FAT2: variants seen among roughly 807,000 people sequenced by gnomAD.
The protein encoded by FAT2 is protocadherin Fat 2.
Under a neutral mutation model 295.3 loss-of-function variants are expected in FAT2, and 150 were observed. That is an observed-to-expected ratio of 0.51 (90% CI 0.44 to 0.58). The LOEUF (loss-of-function observed/expected upper bound fraction) is 0.58, where lower values mean the gene tolerates loss of function less well. Among genes scored for constraint, FAT2 ranks in the 20% least tolerant of loss-of-function variants. The pLI, the probability that FAT2 is intolerant of heterozygous loss-of-function variation, is 0.00. For missense variants in FAT2, 4,868 were observed against 5,442.7 expected (o/e 0.89, Z 3.32); for synonymous variants, 2,026 against 2,150.3 (o/e 0.94, Z 1.60).
chr5:151,515,235 T>G (rs1242890269), intron 20 of FAT2, among the ~76,000 whole-genome samples: 1 of 152,114 alleles, frequency 6.6e-6, no homozygotes, highest in African/African-American at 2.4e-5. Context: ...ACTCCCTGGG[T>G]TTTCCTCCAG....
rs752298937 is a variant in FAT2, at chr5:151,563,568, C to G, written c.3331G>C (p.Asp1111His). Residue 1111 changes from aspartate (D) to histidine (H), a missense_variant, in exon 3 of 24, where the codon GAC becomes CAC. Physicochemically the swap from Asp to His is moderately conservative, Grantham distance 81 (BLOSUM62 -1). Transcript: ENST00000261800. The stretch of plus-strand genomic sequence containing the variant: ...GAAGAGAGGGGCACAGAACCCCTGT[C>G]CACTGCTAATACCGTCAACCAGTAG... The part of the protein sequence containing the change: ...SYYWLTVLAV[D>H]RGSVPLSSVT... 30 of 1,614,024 alleles carry G rather than the reference C, an allele frequency of 1.9e-5. No individual in the cohort carries two copies. The highest frequency in any genetic ancestry group is 2.5e-5 in the Non-Finnish European group (30 of 1,180,034).
chr5:151,555,748 A>G (rs1469302152), intron 4 of FAT2, among the ~76,000 whole-genome samples: 1 of 152,212 alleles, frequency 6.6e-6, no homozygotes, highest in Non-Finnish European at 1.5e-5. Context: ...TTTCCTGCTG[A>G]GGAATATGTA....
intron 13 of FAT2, among the ~76,000 whole-genome samples, 189 bp from the exon 14 acceptor site, chr5:151,532,159 T>C (rs1385165132): frequency 6.6e-6 from 1 of 152,164 alleles, no homozygotes; most frequent in Non-Finnish European, 1.5e-5. Flanking sequence ...ACCCAAGGCC[T>C]CACTAAAATG....
chr5:151,543,634 G>T lies in FAT2; in HGVS notation c.7493C>A (p.Thr2498Asn). 6.2e-7 allele frequency: 1 copy of T among 1,614,136 alleles called. No individual in the cohort carries two copies. The highest frequency in any genetic ancestry group is 8.5e-7 in the Non-Finnish European group (1 of 1,180,020). The change falls in exon 10 of 24, where the codon ACC (threonine) becomes AAC (asparagine). Residue 2498 changes from threonine to asparagine, a missense_variant. Around this residue, in one of 5 missense-constraint regions of FAT2, gnomAD observed 3,297 missense variants for 3,669.4 expected, o/e 0.90. Transcript: ENST00000261800. ...AELAENAMVG[T>N]KVIDLLAIDK... ...TATGGCTAGCAAATCAATCACCTTG[G>T]TTCCAACCATTGCATTCTCTGCTAA...
chr5:151,535,235 C>G (rs941594863), intron 12 of FAT2, among the ~76,000 whole-genome samples: 3 of 151,960 alleles, frequency 2.0e-5, no homozygotes, highest in Admixed American at 2.0e-4. Flanking sequence ...GTTACACACT[C>G]TTTTGTTATA....
At position 151,528,283 on chromosome 5, in the gene FAT2, C is replaced by T. The variant is rs562790090; in HGVS notation, c.10027-150G>A. On this transcript the variant is annotated intron_variant, in intron 15 of 23. Transcript: ENST00000261800. Reference sequence around the variant, plus strand: ...TGTCCCTGCCAAAGTAATCTCTTCACTTACATCCTCGTGTGGACTTCAGCA... The same window carrying T: ...TGTCCCTGCCAAAGTAATCTCTTCATTTACATCCTCGTGTGGACTTCAGCA... 207 of 849,772 alleles carry T rather than the reference C, an allele frequency of 2.4e-4. 1 individual carries two copies. The South Asian group carries it at 3.5e-3, about 14-fold the overall frequency. 52.6% of individuals were successfully genotyped at this position (849,772 alleles called of 1,614,324 possible). A position where few individuals can be genotyped will look rare whatever the true frequency, so the allele number is the denominator to read the frequency against.
chr5:151,572,332 C>T (rs1213932202), intron 1 of FAT2, among the ~76,000 whole-genome samples: 6 of 152,052 alleles, frequency 3.9e-5, no homozygotes, highest in East Asian at 1.9e-4. Context: ...ACAGAATGAA[C>T]GCTGAAAGAG....
chr5:151,566,745 A>G lies in FAT2; in HGVS notation c.2187T>C (p.Pro729=). 3 of 1,614,184 alleles carry G rather than the reference A, an allele frequency of 1.9e-6. No individual in the cohort carries two copies. Among genetic ancestry groups the G allele is most frequent in the Non-Finnish European group, 1.7e-6 (2 of 1,180,018 alleles). ...PQSIDVLESV[P]INTPLARLAA... Reference sequence around the variant, plus strand: ...CTAGGCGGGCCAAGGGGGTGTTGATAGGGACACTCTCAAGGACATCAATGG... The same window carrying G: ...CTAGGCGGGCCAAGGGGGTGTTGATGGGGACACTCTCAAGGACATCAATGG... The change falls in exon 2 of 24, where the codon CCT becomes CCC. Residue 729 remains proline, a synonymous_variant. Transcript: ENST00000261800.
At position 151,512,883 on chromosome 5, in the gene FAT2, T is replaced by A. The variant is rs1223458219; in HGVS notation, c.11464-277A>T. On this transcript the variant is annotated intron_variant, in intron 20 of 23. Transcript: ENST00000261800. The surrounding 1 kb of genome is among the most constrained non-coding windows in gnomAD (Gnocchi z 4.1). The stretch of plus-strand genomic sequence containing the variant: ...CTGAGGCCGAGAGATGCTTTGCTGA[T>A]CAAGACCCTGTATTTTGGATGCTTC... 1.9e-5 allele frequency: 9 copies of A among 461,592 alleles called. No homozygotes were observed. The highest frequency in any genetic ancestry group is 3.1e-5 in the Non-Finnish European group (8 of 254,748). 28.6% of individuals were successfully genotyped at this position (461,592 alleles called of 1,614,324 possible).
Position 151,545,976 on chromosome 5 carries a change from T to TTTC in FAT2, c.5148_5150dup (p.Lys1717dup), listed in dbSNP as rs1217934282. Reference sequence around the variant, plus strand: ...AAGACGAGATTTTCTCATGGTCCAATTTCTTCTGGGTGGAAATAAGGCCAG... The same window carrying TTTC: ...AAGACGAGATTTTCTCATGGTCCAATTTCTTCTTCTGGGTGGAAATAAGGCCAG... On this transcript the variant is annotated inframe_insertion, in exon 10 of 24. Transcript: ENST00000261800. 5.0e-6 allele frequency: 8 copies of TTTC among 1,614,206 alleles called. No individual in the cohort carries two copies. The Admixed American group carries it at 1.3e-4, about 27-fold the overall frequency.
At chr5:151,562,157 C>G (rs34346367) in intron 3 of FAT2, among the ~76,000 whole-genome samples, 1 of 151,700 alleles carries the variant, frequency 6.6e-6, no homozygotes, top group African/African-American at 2.4e-5. Context: ...TAGGCACTTA[C>G]ATCTCACCCA....
At chr5:151,537,185 AAGAG>A (rs980415448) in intron 12 of FAT2, among the ~76,000 whole-genome samples, 15 of 151,648 alleles carry the variant, frequency 9.9e-5, no homozygotes, top group South Asian at 6.3e-4. Context: ...AGAAAGAAAG[AAGAG>A]AGAGAGAGAG....
Position 151,565,935 on chromosome 5 carries a change from C to G in FAT2, c.2997G>C (p.Leu999=), listed in dbSNP as rs765938933. 6.2e-7 allele frequency: 1 copy of G among 1,613,896 alleles called. No homozygotes were observed. The highest frequency in any genetic ancestry group is 8.5e-7 in the Non-Finnish European group (1 of 1,180,018). The change falls in exon 2 of 24, where the codon CTG becomes CTC. Residue 999 remains leucine (L), a synonymous_variant. Transcript: ENST00000261800. The part of the protein sequence containing the change: ...FERRAGYNLS[L]WASDGGRPLA... ...GGGGCCTCCCACCATCACTGGCCCACAGGCTCAGATTGTACCCAGCTCGCC... is the reference window on the plus strand; with the variant it reads ...GGGGCCTCCCACCATCACTGGCCCAGAGGCTCAGATTGTACCCAGCTCGCC...
rs974374943 is a variant in FAT2 at position 151,539,649 on chromosome 5, T to G, written c.9039+918A>C. On this transcript the variant is annotated intron_variant, in intron 11 of 23. Transcript: ENST00000261800. ...TTATAAAATTAAAATGTTAGCAGTT[T>G]AACTTTATCTATAAACTTTGAAAGA... Among the ~76,000 whole-genome samples the G allele has an allele frequency of 5.9e-5, 9 of 152,330 alleles. No individual in the cohort carries two copies. The South Asian group carries it at 1.9e-3, about 32-fold the overall frequency.
intron 6 of FAT2, 119 bp from the exon 7 acceptor site, chr5:151,551,725 T>C: frequency 1.0e-6 from 1 of 961,770 alleles, no homozygotes; most frequent in Non-Finnish European, 1.5e-6. Flanking sequence ...GTACAAGATC[T>C]GAGTGACAGG....
intron 2 of FAT2, among the ~76,000 whole-genome samples, chr5:151,564,737 A>T (rs150761695): frequency 1.7e-3 from 263 of 152,290 alleles, no homozygotes; most frequent in African/African-American, 6.0e-3. Context: ...ACTTATTAAC[A>T]CAGAAGATGC....
At chr5:151,573,277 G>A (rs944828187) in intron 1 of FAT2, among the ~76,000 whole-genome samples, 8 of 152,192 alleles carry the variant, frequency 5.3e-5, no homozygotes, top group Admixed American at 1.3e-4. Flanking sequence ...AGCACAATAC[G>A]TGATATAGTT....
Position 151,567,286 on chromosome 5 carries a change from G to C in FAT2, c.1646C>G (p.Ser549Cys). ...CAAGTTCCTGAGCTGAAGAAAAATG[G>C]ACACTTCCTTCTCCCGGCGAAAAGG... ...GSPFRREKEVSIFLQLRNLND... is the reference protein window; with the variant it reads ...GSPFRREKEVCIFLQLRNLND... Residue 549 changes from serine to cysteine, a missense_variant, in exon 2 of 24, where the codon TCC becomes TGC. By Grantham distance (112) the Ser-to-Cys change is moderately radical (BLOSUM62 -1). Around this residue, in one of 5 missense-constraint regions of FAT2, gnomAD observed 3,297 missense variants for 3,669.4 expected, o/e 0.90. Coordinates refer to ENST00000261800, the MANE Select transcript of FAT2 (RefSeq NM_001447.3). 1 of 1,614,126 alleles carries C rather than the reference G, an allele frequency of 6.2e-7. No homozygotes were observed. The highest frequency in any genetic ancestry group is 2.2e-5 in the East Asian group (1 of 44,890).
intron 18 of FAT2, among the ~76,000 whole-genome samples, chr5:151,524,968 T>A (rs1461941562): frequency 6.6e-6 from 1 of 152,236 alleles, no homozygotes; most frequent in Non-Finnish European, 1.5e-5. Flanking sequence ...GTTATTTCTT[T>A]CTTTATCTGT....
Sources: allele counts gnomAD v4.1 joint callset (sites outside exome capture counted in the v4.1 genomes callset), GRCh38; gene constraint gnomAD v4.1.1; regional missense constraint gnomAD v4.1.1; non-coding constraint Gnocchi (gnomAD v3.1); transcripts MANE v1.5; gene names NCBI Gene and HGNC (gene_info 2026-07-23, HGNC 2026-07-21).